Variants in KLHL28 observed in about 807,000 individuals in gnomAD.
KLHL28 encodes kelch like family member 28, also known as kelch-like protein 28.
Under a neutral mutation model 48.3 loss-of-function variants are expected in KLHL28, and 22 were observed. That is an observed-to-expected ratio of 0.46 (90% CI 0.33 to 0.65). The LOEUF (loss-of-function observed/expected upper bound fraction) is 0.65, where lower values mean the gene tolerates loss of function less well. KLHL28 is among the 30% of genes least tolerant of loss of function. KLHL28 has a pLI of 0.03. For missense variants in KLHL28, 527 were observed against 704.3 expected, an observed-to-expected ratio of 0.75 and a Z score of 2.85; for synonymous variants, 243 against 242.4, an observed-to-expected ratio of 1.00 and a Z score of -0.02.
intron 2 of KLHL28, among the ~76,000 whole-genome samples, chr14:44,941,425 A>C (rs1477944296): frequency 1.3e-5 from 2 of 149,574 alleles, no homozygotes; most frequent in African/African-American, 5.0e-5. Flanking sequence ...TGAGGTCAGG[A>C]GTTCGAGACC....
At chr14:44,955,335 G>A (rs1180751378) in intron 1 of KLHL28, among the ~76,000 whole-genome samples, 1 of 151,798 alleles carries the variant, frequency 6.6e-6, no homozygotes, top group Admixed American at 6.6e-5. Flanking sequence ...ATATTTCCTA[G>A]CTCTGTCTAC....
chr14:44,936,433 G>A (rs894549390), intron 2 of KLHL28, among the ~76,000 whole-genome samples: 2 of 152,118 alleles, frequency 1.3e-5, no homozygotes, highest in Non-Finnish European at 2.9e-5. Context: ...GAGGTGGAAG[G>A]GTTGGTCTTA....
rs983853713 is a variant in KLHL28 at position 44,927,296 on chromosome 14, T to G, written c.*1732A>C. Reference sequence around the variant, plus strand: ...TTATGGAAGAACAAAGAACTGTAAATTGCCCGGCTATAGTATTCAAGAAAT... The same window carrying G: ...TTATGGAAGAACAAAGAACTGTAAAGTGCCCGGCTATAGTATTCAAGAAAT... On this transcript the variant is annotated 3_prime_UTR_variant, in exon 5 of 5. Transcript: ENST00000396128. 6.6e-6 allele frequency: 1 copy of G among 152,604 alleles called. No individual in the cohort carries two copies. The highest frequency in any genetic ancestry group is 6.5e-5 in the Admixed American group (1 of 15,282). 9.5% of individuals were successfully genotyped at this position (152,604 alleles called of 1,614,324 possible).
At chr14:44,960,525 T>C (rs1196285553) in intron 1 of KLHL28, among the ~76,000 whole-genome samples, 1 of 152,198 alleles carries the variant, frequency 6.6e-6, no homozygotes, top group East Asian at 1.9e-4. Flanking sequence ...CTACAATCAT[T>C]TCTTGTTTTT....
At chr14:44,950,542 T>C (rs1410957959) in intron 1 of KLHL28, among the ~76,000 whole-genome samples, 1 of 152,194 alleles carries the variant, frequency 6.6e-6, no homozygotes, top group Non-Finnish European at 1.5e-5. Context: ...TACATGTATG[T>C]ACACACACAA....
intron 3 of KLHL28, among the ~76,000 whole-genome samples, chr14:44,933,053 C>T (rs1030513286): frequency 6.6e-6 from 1 of 152,204 alleles, no homozygotes; most frequent in Non-Finnish European, 1.5e-5. Context: ...ATATAAGCTA[C>T]ACGTATCCTC....
At chr14:44,935,917 C>T (rs1883808389) in intron 2 of KLHL28, among the ~76,000 whole-genome samples, 1 of 24,958 alleles carries the variant, frequency 4.0e-5, no homozygotes. Context: ...TACCCTCCCC[C>T]CGCAAAGTTG....
rs753246136 is a variant in KLHL28, at chr14:44,934,567, T to C, written c.900-9A>G. The C allele has an allele frequency of 6.5e-7, 1 of 1,530,824 alleles. No homozygotes were observed. Among genetic ancestry groups the C allele is most frequent in the Middle Eastern group, 1.8e-4 (1 of 5,698 alleles). 94.8% of individuals were successfully genotyped at this position (1,530,824 alleles called of 1,614,324 possible). ...GAAAGTACATCTCCACACTAAAGAA[T>C]AAGCAGAAAAAATATAAAATTTAAA... is the stretch of plus-strand genomic sequence containing the variant. On this transcript the variant is annotated splice_polypyrimidine_tract_variant and intron_variant, in intron 2 of 4. Coordinates refer to ENST00000396128, the MANE Select transcript of KLHL28 (RefSeq NM_017658.5).
chr14:44,929,154 G>T lies in KLHL28; in HGVS notation c.1590C>A (p.Val530=). The T allele has an allele frequency of 6.2e-7, 1 of 1,612,210 alleles. No individual in the cohort carries two copies. The highest frequency in any genetic ancestry group is 8.5e-7 in the Non-Finnish European group (1 of 1,178,952). Residue 530 remains valine (V), a synonymous_variant, in exon 5 of 5, where the codon GTC becomes GTA. Transcript: ENST00000396128. ...GAAVIDNYLY[V]VGGHSGSSYL... ...AGGAAGACCCTGAGTGACCACCGACGACATAAAGGTAGTTATCGATTACAG... is the reference window on the plus strand; with the variant it reads ...AGGAAGACCCTGAGTGACCACCGACTACATAAAGGTAGTTATCGATTACAG...
In KLHL28 at chr14:44,929,063, A is replaced by C; in HGVS notation, c.1681T>G (p.Tyr561Asp). Residue 561 changes from tyrosine (Y) to aspartate (D), a missense_variant, in exon 5 of 5, where the codon TAC becomes GAC. Transcript: ENST00000396128. ...GTTAACCCAAAGTTGCAGCGACAGTATATCATGCCAGCTGAATCCAGCCAC... is the reference window on the plus strand; with the variant it reads ...GTTAACCCAAAGTTGCAGCGACAGTCTATCATGCCAGCTGAATCCAGCCAC... ...DTWLDSAGMI[Y>D]CRCNFGLTAL The C allele has an allele frequency of 1.2e-6, 2 of 1,614,034 alleles. No homozygotes were observed. Among genetic ancestry groups the C allele is most frequent in the South Asian group, 2.2e-5 (2 of 91,080 alleles).
At chr14:44,929,496 T>A (rs950424521) in intron 4 of KLHL28, among the ~76,000 whole-genome samples, 3 of 152,172 alleles carry the variant, frequency 2.0e-5, no homozygotes, top group Non-Finnish European at 2.9e-5. Context: ...TCTATTATTG[T>A]TGTTGCTAAT....
At chr14:44,947,965 AG>A (rs1398783152) in intron 1 of KLHL28, among the ~76,000 whole-genome samples, 1 of 152,152 alleles carries the variant, frequency 6.6e-6, no homozygotes, top group Non-Finnish European at 1.5e-5. Context: ...AATATATACT[AG>A]TAAGTAGATG....
At chr14:44,947,283 A>G (rs189496978) in intron 1 of KLHL28, among the ~76,000 whole-genome samples, 7 of 152,346 alleles carry the variant, frequency 4.6e-5, no homozygotes, top group Non-Finnish European at 8.8e-5. Flanking sequence ...AGAAGCTAGA[A>G]GAGCCAAGAA....
chr14:44,955,613 A>T (rs1169063690), intron 1 of KLHL28, among the ~76,000 whole-genome samples: 1 of 152,124 alleles, frequency 6.6e-6, no homozygotes, highest in African/African-American at 2.4e-5. Context: ...CCGTCTCTAC[A>T]AAGAAAAAAA....
chr14:44,947,017 C>T (rs1884367219), intron 1 of KLHL28, among the ~76,000 whole-genome samples: 1 of 152,102 alleles, frequency 6.6e-6, no homozygotes, highest in African/African-American at 2.4e-5. Flanking sequence ...TAATGGCTCC[C>T]CAAATGACAT....
At position 44,945,617 on chromosome 14, in the gene KLHL28, T is replaced by C; in HGVS notation, c.312A>G (p.Thr104=). The change falls in exon 2 of 5, where the codon ACA becomes ACG. Residue 104 remains threonine (T), a synonymous_variant. Transcript: ENST00000396128. ...TTGCTGCTGGCAGGAGAGATTCAAC[T>C]GTGTCCTGAGAAATAAAAACAGTCC... The part of the protein sequence containing the change: ...YTGTVFISQD[T]VESLLPAANL... 1.2e-6 allele frequency: 2 copies of C among 1,614,184 alleles called. No individual in the cohort carries two copies. The highest frequency in any genetic ancestry group is 1.7e-6 in the Non-Finnish European group (2 of 1,180,026).
chr14:44,938,266 T>C (rs1883908808), intron 2 of KLHL28, among the ~76,000 whole-genome samples: 1 of 151,514 alleles, frequency 6.6e-6, no homozygotes, highest in South Asian at 2.1e-4. Context: ...CAAAACACAA[T>C]GGTGAGAAAG....
At chr14:44,940,332 G>A (rs1320867645) in intron 2 of KLHL28, among the ~76,000 whole-genome samples, 2 of 152,152 alleles carry the variant, frequency 1.3e-5, no homozygotes, top group African/African-American at 2.4e-5. Flanking sequence ...TTAAACTATA[G>A]CAGAGGGCAA....
intron 1 of KLHL28, chr14:44,960,953 T>C (rs1484239886): frequency 6.1e-6 from 9 of 1,475,014 alleles, no homozygotes; most frequent in Non-Finnish European, 8.3e-6. Flanking sequence ...AAATGATAAC[T>C]TAGACTTTTC....
Sources: gnomAD v4.1 joint callset for allele counts (sites outside exome capture counted in the v4.1 genomes callset) on GRCh38, gnomAD v4.1.1 for gene constraint, MANE v1.5 for transcripts, NCBI Gene and HGNC (gene_info 2026-07-23, HGNC 2026-07-21) for gene names.